CSMD2: variants seen among roughly 807,000 people sequenced by gnomAD.
CSMD2 encodes the protein CUB and sushi domain-containing protein 2.
In CSMD2, 130 loss-of-function variants were observed where a neutral mutation model predicts 398.5. The observed-to-expected ratio is 0.33, with a 90% CI of 0.28 to 0.38. CSMD2 has a LOEUF of 0.38. Among genes scored for constraint, CSMD2 ranks in the 10% least tolerant of loss-of-function variants. CSMD2 has a pLI of 1.00. For synonymous variants in CSMD2, 1,828 were observed against 1,908.5 expected, an observed-to-expected ratio of 0.96 and a Z score of 1.10; for missense variants, 3,829 against 4,764.9, an observed-to-expected ratio of 0.80 and a Z score of 5.78.
At chr1:33,707,693 G>GCACACACACACA (rs1385022470) in intron 22 of CSMD2, among the ~76,000 whole-genome samples, 1 of 46,908 alleles carries the variant, frequency 2.1e-5, no homozygotes, top group African/African-American at 6.1e-5. Context: ...ACGCGCGCGC[G>GCACACACACACA]CGCACACACA....
rs774509837 is a variant in CSMD2, at chr1:33,725,455, G to A, written c.2589C>T (p.His863=). 17 of 1,614,196 alleles carry A rather than the reference G, an allele frequency of 1.1e-5. No individual in the cohort carries two copies. Among genetic ancestry groups the A allele is most frequent in the East Asian group, 2.2e-5 (1 of 44,882 alleles). The change falls in exon 17 of 71, where the codon CAC becomes CAT. Residue 863 remains histidine (H), a synonymous_variant. Coordinates refer to ENST00000373381, the MANE Select transcript of CSMD2 (RefSeq NM_001281956.2). ...TGAGGAACTGGGGAACCTGGGTCCC[G>A]TGGTAAACCCCGATCAAGGGCGCTG... is the stretch of plus-strand genomic sequence containing the variant. The part of the protein sequence containing the change: ...TYSAPLIGVY[H]GTQVPQFLIS...
intron 32 of CSMD2, among the ~76,000 whole-genome samples, chr1:33,632,359 C>T (rs1032346130): frequency 6.6e-6 from 1 of 151,904 alleles, no homozygotes; most frequent in African/African-American, 2.4e-5. Context: ...GAGAGGAGGG[C>T]TTTTTATAGC....
At chr1:34,003,944 C>T (rs149330844) in intron 3 of CSMD2, among the ~76,000 whole-genome samples, 2 of 152,314 alleles carry the variant, frequency 1.3e-5, no homozygotes, top group African/African-American at 4.8e-5. Context: ...AACTGCCCTG[C>T]CCCCATCCCA....
intron 4 of CSMD2, among the ~76,000 whole-genome samples, chr1:33,932,791 C>G (rs982298751): frequency 6.6e-6 from 1 of 152,108 alleles, no homozygotes; most frequent in African/African-American, 2.4e-5. Flanking sequence ...AAAATACTAC[C>G]CTATACCTAA....
rs1389201939 is a variant in CSMD2, at chr1:33,586,591, G to A, written c.6964C>T (p.Pro2322Ser). Reference protein sequence around the residue: ...IGDIVRYRCLPGFTLVGNEIL... With the variant: ...IGDIVRYRCLSGFTLVGNEIL... ...TCATTCCCCACTAAGGTAAAGCCAGGGAGGCATCTGTAGCGTACGATGTCA... is the reference window on the plus strand; with the variant it reads ...TCATTCCCCACTAAGGTAAAGCCAGAGAGGCATCTGTAGCGTACGATGTCA... Residue 2322 changes from proline to serine, a missense_variant, in exon 46 of 71, where the codon CCT becomes TCT. Around this residue, in one of 5 missense-constraint regions of CSMD2, gnomAD observed 723 missense variants for 758.6 expected, o/e 0.95. Transcript: ENST00000373381. 6.2e-7 allele frequency: 1 copy of A among 1,613,422 alleles called. No individual in the cohort carries two copies. Among genetic ancestry groups the A allele is most frequent in the Non-Finnish European group, 8.5e-7 (1 of 1,179,514 alleles).
chr1:33,827,840 C>T (rs1052163794), intron 6 of CSMD2, among the ~76,000 whole-genome samples: 23 of 152,218 alleles, frequency 1.5e-4, no homozygotes, highest in African/African-American at 5.3e-4. Flanking sequence ...GAGCCTCAGC[C>T]TCTTTTCTTG....
At chr1:33,664,628 C>A (rs1471571722) in intron 25 of CSMD2, among the ~76,000 whole-genome samples, 2 of 151,732 alleles carry the variant, frequency 1.3e-5, no homozygotes, top group African/African-American at 4.8e-5. Flanking sequence ...ACAGTGAAAC[C>A]CCGTCTTTAC....
Position 33,541,387 on chromosome 1 carries a change from C to T in CSMD2, c.9278-78G>A, listed in dbSNP as rs1773024. The T allele has an allele frequency of 3.0e-4, 325 of 1,072,236 alleles. No homozygotes were observed. The East Asian group carries it at 7.6e-3, about 25-fold the overall frequency. 66.4% of individuals were successfully genotyped at this position (1,072,236 alleles called of 1,614,324 possible). On this transcript the variant is annotated intron_variant, in intron 58 of 70. Transcript: ENST00000373381. ...CCTCCAATACCATCCCTATCACTCC[C>T]TGCATGCATCCAAGAAGGGAAACTG...
At chr1:33,784,320 G>T (rs1653227346) in intron 12 of CSMD2, among the ~76,000 whole-genome samples, 1 of 152,114 alleles carries the variant, frequency 6.6e-6, no homozygotes, top group Non-Finnish European at 1.5e-5. Flanking sequence ...GGATGGGCAA[G>T]GACAGGGAGT....
rs1340532375 is a variant in CSMD2, at chr1:33,879,374, G to A, written c.921-32378C>T. 2.6e-5 allele frequency among the ~76,000 whole-genome samples: 4 copies of A among 152,076 alleles called. No homozygotes were observed. In the East Asian group the frequency reaches 7.7e-4, roughly 29 times the overall value. On this transcript the variant is annotated intron_variant, in intron 5 of 70. Coordinates refer to ENST00000373381, the MANE Select transcript of CSMD2 (RefSeq NM_001281956.2). The stretch of plus-strand genomic sequence containing the variant: ...TCTGGTTGGTCTGCTTCAATCTCTG[G>A]TCCCATTTCTTGCTCCCCCATGGGC...
chr1:33,676,120 A>G (rs971934164), intron 25 of CSMD2, among the ~76,000 whole-genome samples: 10 of 152,234 alleles, frequency 6.6e-5, no homozygotes, highest in Non-Finnish European at 1.3e-4. Context: ...GCAATCAGGC[A>G]GGAGAAGGAA....
intron 44 of CSMD2, 127 bp from the exon 45 acceptor site, chr1:33,587,295 T>C (rs904577107): frequency 2.9e-6 from 2 of 698,388 alleles, no homozygotes; most frequent in Non-Finnish European, 4.7e-6. Context: ...TGAGTACTTA[T>C]CTGTAAACAG....
intron 3 of CSMD2, among the ~76,000 whole-genome samples, chr1:34,020,506 G>A (rs887700323): frequency 7.2e-5 from 11 of 152,128 alleles, no homozygotes; most frequent in Admixed American, 1.3e-4. Flanking sequence ...TCAAGGAGAT[G>A]CCCCAGCGTC....
intron 19 of CSMD2, among the ~76,000 whole-genome samples, chr1:33,723,916 G>A (rs1646439398): frequency 6.6e-6 from 1 of 152,176 alleles, no homozygotes; most frequent in African/African-American, 2.4e-5. Context: ...TGCAGGGAGT[G>A]ATTTAGAGAA....
intron 3 of CSMD2, among the ~76,000 whole-genome samples, chr1:33,966,864 ACT>A (rs1336008561): frequency 6.6e-6 from 1 of 151,964 alleles, no homozygotes; most frequent in African/African-American, 2.4e-5. Flanking sequence ...GAAACCCATG[ACT>A]CTCTGTGGAA....
chr1:33,860,787 T>C (rs1639443982), intron 5 of CSMD2: 1 of 152,214 alleles, frequency 6.6e-6, no homozygotes, highest in African/African-American at 2.4e-5. Flanking sequence ...TGCCACCAAG[T>C]AAAGAGGATC....
chr1:33,542,240 C>T (rs1656416949), intron 58 of CSMD2, among the ~76,000 whole-genome samples: 1 of 152,206 alleles, frequency 6.6e-6, no homozygotes. Flanking sequence ...TGAGGCTACA[C>T]CGTGCTCAGG....
intron 3 of CSMD2, among the ~76,000 whole-genome samples, chr1:34,010,690 C>A (rs1332788593): frequency 1.3e-5 from 2 of 152,022 alleles, no homozygotes; most frequent in Non-Finnish European, 2.9e-5. Flanking sequence ...ACGATCTCGG[C>A]TCACTGCAAG....
chr1:33,844,135 G>A (rs10128010), intron 6 of CSMD2, among the ~76,000 whole-genome samples: 20,851 of 152,224 alleles, frequency 0.14, 2,615 homozygotes, highest in African/African-American at 0.34. Flanking sequence ...CTGTTTTAGG[G>A]TGTATTTGCA....
Sources: allele counts gnomAD v4.1 joint callset (sites outside exome capture counted in the v4.1 genomes callset), GRCh38; gene constraint gnomAD v4.1.1; regional missense constraint gnomAD v4.1.1; transcripts MANE v1.5; gene names NCBI Gene and HGNC (gene_info 2026-07-23, HGNC 2026-07-21).